The following DDX54 variants were observed in gnomAD, a reference collection of about 807,000 sequenced individuals.
DDX54 encodes DEAD-box helicase 54.
A neutral mutation model predicts 105.5 loss-of-function variants in DDX54; 67 were observed. The ratio of observed to expected loss-of-function variants is 0.64; its 90% CI spans 0.52 to 0.78. DDX54 has a LOEUF of 0.78. Among genes scored for constraint, DDX54 ranks in the 30% least tolerant of loss-of-function variants. The pLI, the probability that DDX54 is intolerant of heterozygous loss-of-function variation, is 0.00. For missense variants in DDX54, 1,206 were observed against 1,230.5 expected, an observed-to-expected ratio of 0.98 and a Z score of 0.30; for synonymous variants, 514 against 509.9, an observed-to-expected ratio of 1.01 and a Z score of -0.11.
At position 113,172,539 on chromosome 12, in the gene DDX54, A is replaced by G; in HGVS notation, c.1093T>C (p.Cys365Arg). 1 of 1,614,224 alleles carries G rather than the reference A, an allele frequency of 6.2e-7. No homozygotes were observed. The highest frequency in any genetic ancestry group is 8.5e-7 in the Non-Finnish European group (1 of 1,180,054). The change falls in exon 11 of 20, where the codon TGC (cysteine) becomes CGC (arginine). Residue 365 changes from cysteine to arginine, a missense_variant. This residue lies in a region of DDX54 where 961 missense variants were observed against 1,019.1 expected (regional missense o/e 0.94). Coordinates refer to ENST00000306014, the MANE Select transcript of DDX54 (RefSeq NM_024072.4). ...TELLTTQRVS[C>R]AHIYSALDPT... ...TCTAGGGCACTGTAGATGTGGGCGCAGCTCACCCGCTGGGTCGTCAGCAGC... is the reference window on the plus strand; with the variant it reads ...TCTAGGGCACTGTAGATGTGGGCGCGGCTCACCCGCTGGGTCGTCAGCAGC...
chr12:113,176,968 G>T (rs1167659818), intron 6 of DDX54, 33 bp from the exon 7 acceptor site: 1 of 1,613,798 alleles, frequency 6.2e-7, no homozygotes, highest in Non-Finnish European at 8.5e-7. Flanking sequence ...GGTGACCCCA[G>T]GGCCAGGGCC....
At chr12:113,178,624 C>T (rs1952432524) in intron 5 of DDX54, 1 of 205,736 alleles carries the variant, frequency 4.9e-6, no homozygotes, top group Non-Finnish European at 9.9e-6. Flanking sequence ...CTCACTGCAA[C>T]CTCCACCTCC....
chr12:113,178,845 G>C lies in DDX54; in HGVS notation c.614+132C>G, dbSNP rs1952434149. On this transcript the variant is annotated intron_variant, in intron 5 of 19. Coordinates refer to ENST00000306014, the MANE Select transcript of DDX54 (RefSeq NM_024072.4). ...GGCATGAGCCACTGGGCCCGGCCTTGTTGGGTTTTTTGAATGAGCACAGAA... is the reference window on the plus strand; with the variant it reads ...GGCATGAGCCACTGGGCCCGGCCTTCTTGGGTTTTTTGAATGAGCACAGAA... 3 of 1,272,512 alleles carry C rather than the reference G, an allele frequency of 2.4e-6. No homozygotes were observed. The South Asian group carries it at 4.3e-5, about 18-fold the overall frequency. 78.8% of individuals were successfully genotyped at this position (1,272,512 alleles called of 1,614,324 possible). A position where few individuals can be genotyped will look rare whatever the true frequency, so the allele number is the denominator to read the frequency against.
intron 9 of DDX54, 49 bp downstream of exon 9, chr12:113,174,826 A>G: frequency 6.2e-7 from 1 of 1,613,920 alleles, no homozygotes; most frequent in Non-Finnish European, 8.5e-7. Flanking sequence ...CAGGGCCTGC[A>G]GGGCCCACCT....
intron 10 of DDX54, among the ~76,000 whole-genome samples, chr12:113,173,988 A>C (rs1952367445): frequency 6.6e-6 from 1 of 152,046 alleles, no homozygotes; most frequent in Non-Finnish European, 1.5e-5. Context: ...TTCAAGACCC[A>C]CCTGGCCAAC....
rs572463426 is a variant in DDX54 at position 113,168,093 on chromosome 12, C to T, written c.1414+1677G>A. 1.3e-3 allele frequency: 510 copies of T among 381,142 alleles called. 4 individuals carry two copies. Among genetic ancestry groups the T allele is most frequent in the South Asian group, 9.6e-3 (498 of 51,734 alleles). 23.6% of individuals were successfully genotyped at this position (381,142 alleles called of 1,614,324 possible). A position where few individuals can be genotyped will look rare whatever the true frequency, so the allele number is the denominator to read the frequency against. ...GTGACTGCACAGGCCGCCCCCCACC[C>T]CGGCCAGGCCCCGCAGCCCTTTCCT... On this transcript the variant is annotated intron_variant, in intron 12 of 19. Transcript: ENST00000306014.
At chr12:113,166,777 C>T (rs1049517028) in intron 12 of DDX54, among the ~76,000 whole-genome samples, 11 of 152,114 alleles carry the variant, frequency 7.2e-5, no homozygotes, top group Middle Eastern at 3.2e-3. Flanking sequence ...AATTCAATTT[C>T]CACAGCAACC....
At chr12:113,184,293 G>A (rs1460149047) in intron 1 of DDX54, among the ~76,000 whole-genome samples, 4 of 151,802 alleles carry the variant, frequency 2.6e-5, no homozygotes, top group African/African-American at 9.7e-5. Flanking sequence ...TGTTGCCCAG[G>A]CTGATCTTGA....
intron 5 of DDX54, 196 bp from the exon 6 acceptor site, chr12:113,177,289 A>T (rs1220945176): frequency 1.7e-6 from 1 of 603,262 alleles, no homozygotes; most frequent in East Asian, 2.8e-5. Flanking sequence ...AATATGCAAA[A>T]GAATGGTAAC....
chr12:113,167,341 T>C (rs1450585418), intron 12 of DDX54, among the ~76,000 whole-genome samples: 2 of 152,054 alleles, frequency 1.3e-5, no homozygotes, highest in African/African-American at 4.8e-5. Flanking sequence ...CGTGCCACTA[T>C]ACTCTAGCCT....
chr12:113,166,056 C>A, intron 12 of DDX54, 24 bp from the exon 13 acceptor site: 1 of 1,584,732 alleles, frequency 6.3e-7, no homozygotes, highest in Non-Finnish European at 8.5e-7. Context: ...AGCACCTTGT[C>A]AGAGGTCTTT....
At chr12:113,178,691 C>A (rs909047808) in intron 5 of DDX54, among the ~76,000 whole-genome samples, 3 of 151,926 alleles carry the variant, frequency 2.0e-5, no homozygotes, top group Non-Finnish European at 4.4e-5. Context: ...TACAGGTATG[C>A]GACACCATGC....
chr12:113,172,400 A>G lies in DDX54; in HGVS notation c.1232T>C (p.Ile411Thr). 6.2e-7 allele frequency: 1 copy of G among 1,614,202 alleles called. No homozygotes were observed. The highest frequency in any genetic ancestry group is 8.5e-7 in the Non-Finnish European group (1 of 1,180,042). ...GCCCTTGGCGGGGAAGCTGTAGTTG[A>G]TGACATTGTCCAGCAGCGGGATGTC... Reference protein sequence around the residue: ...GLDIPLLDNVINYSFPAKGKL... With the variant: ...GLDIPLLDNVTNYSFPAKGKL... The change falls in exon 11 of 20, where the codon ATC becomes ACC. Residue 411 changes from isoleucine (I) to threonine (T), a missense_variant. By Grantham distance (89) the Ile-to-Thr change is moderately conservative. This residue lies in a region of DDX54 where 961 missense variants were observed against 1,019.1 expected (regional missense o/e 0.94). Transcript: ENST00000306014.
chr12:113,162,786 C>G (rs941198915), intron 17 of DDX54, 146 bp downstream of exon 17: 25 of 730,798 alleles, frequency 3.4e-5, no homozygotes, highest in Non-Finnish European at 4.7e-5. Context: ...TCACTCACCC[C>G]GGGCATGGAG....
rs757607025 is a variant in DDX54 at position 113,185,439 on chromosome 12, T to TGTCGGCCGCCA, written c.2_12dup (p.Lys5TrpfsTer103). Reference sequence around the variant, plus strand: ...GACCGAGGTCCAGCCGCCGGGCCCTTGTCGGCCGCCATTCGGGCCGCGCGC... The same window carrying TGTCGGCCGCCA: ...GACCGAGGTCCAGCCGCCGGGCCCTTGTCGGCCGCCAGTCGGCCGCCATTCGGGCCGCGCGC... On this transcript the variant is annotated frameshift_variant, in exon 1 of 20. Transcript: ENST00000306014. LOFTEE classifies it high-confidence loss of function. 41 of 1,508,182 alleles carry TGTCGGCCGCCA rather than the reference T, an allele frequency of 2.7e-5. No individual in the cohort carries two copies. The highest frequency in any genetic ancestry group is 3.6e-5 in the Non-Finnish European group (41 of 1,131,808). The allele number at this position is 1,508,182 out of a possible 1,614,324, so 93.4% of individuals were successfully genotyped here. A position where few individuals can be genotyped will look rare whatever the true frequency, so the allele number is the denominator to read the frequency against.
chr12:113,177,271 C>A, intron 5 of DDX54, 178 bp from the exon 6 acceptor site: 1 of 645,206 alleles, frequency 1.5e-6, no homozygotes, highest in Admixed American at 3.0e-5. Flanking sequence ...ACAAGAGATA[C>A]AAGCTGAAAT....
chr12:113,163,193 G>A lies in DDX54; in HGVS notation c.2020C>T (p.Arg674Trp), dbSNP rs1457396498. The A allele has an allele frequency of 1.4e-5, 22 of 1,612,426 alleles. No individual in the cohort carries two copies. Among genetic ancestry groups the A allele is most frequent in the Middle Eastern group, 1.6e-4 (1 of 6,078 alleles). ...RGAKRRREEA[R>W]QRDQEFYIPY... Reference sequence around the variant, plus strand: ...ATGTAGAATTCCTGGTCCCGCTGCCGGGCCTCCTCCCTCCGCCTCTTGGCT... The same window carrying A: ...ATGTAGAATTCCTGGTCCCGCTGCCAGGCCTCCTCCCTCCGCCTCTTGGCT... The change falls in exon 16 of 20, where the codon CGG becomes TGG. Residue 674 changes from arginine to tryptophan, a missense_variant. By Grantham distance (101) the Arg-to-Trp change is moderately radical. Transcript: ENST00000306014. The surrounding 1 kb of genome is among the most constrained non-coding windows in gnomAD (Gnocchi z 5.9).
At chr12:113,177,483 G>C (rs535654474) in intron 5 of DDX54, 1 of 186,450 alleles carries the variant, frequency 5.4e-6, no homozygotes, top group East Asian at 1.4e-4. Context: ...AAACCCTTTG[G>C]GCACAAATCC....
chr12:113,164,254 T>C lies in DDX54; in HGVS notation c.1751A>G (p.Asp584Gly), dbSNP rs1055322472. 1 of 1,596,504 alleles carries C rather than the reference T, an allele frequency of 6.3e-7. No homozygotes were observed. Among genetic ancestry groups the C allele is most frequent in the African/African-American group, 1.3e-5 (1 of 74,854 alleles). The change falls in exon 15 of 20, where the codon GAC becomes GGC. Residue 584 changes from aspartate to glycine, a missense_variant. Transcript: ENST00000306014. ...TIFEINASSR[D>G]LCSQVMRAKR... Reference sequence around the variant, plus strand: ...GGCGCGCATCACCTGGCTGCACAGGTCTCGGCTGGAGGCGTTGATCTCAAA... The same window carrying C: ...GGCGCGCATCACCTGGCTGCACAGGCCTCGGCTGGAGGCGTTGATCTCAAA...
Sources: gnomAD v4.1 joint callset for allele counts (sites outside exome capture counted in the v4.1 genomes callset) on GRCh38, gnomAD v4.1.1 for gene constraint, gnomAD v4.1.1 regional missense constraint, Gnocchi (gnomAD v3.1) non-coding constraint, MANE v1.5 for transcripts, NCBI Gene and HGNC (gene_info 2026-07-23, HGNC 2026-07-21) for gene names.